The following NIPSNAP1 variants were observed in gnomAD, a reference collection of about 807,000 sequenced individuals.
NIPSNAP1 encodes nipsnap homolog 1.
In NIPSNAP1, 25 loss-of-function variants were observed where a neutral mutation model predicts 49.2. The observed-to-expected ratio is 0.51, with a 90% CI of 0.37 to 0.71. The LOEUF (loss-of-function observed/expected upper bound fraction) is 0.71. Ranked by LOEUF, NIPSNAP1 falls within the 30% of genes least tolerant of loss-of-function variation. NIPSNAP1 has a pLI of 0.00. For missense variants in NIPSNAP1, 294 were observed against 361.0 expected, an observed-to-expected ratio of 0.81 and a Z score of 1.50; for synonymous variants, 143 against 140.7, an observed-to-expected ratio of 1.02 and a Z score of -0.12.
chr22:29,571,024 C>T (rs1354775966), intron 1 of NIPSNAP1, among the ~76,000 whole-genome samples: 1 of 152,148 alleles, frequency 6.6e-6, no homozygotes, highest in Non-Finnish European at 1.5e-5. Flanking sequence ...TCTGTGCTTT[C>T]TGTACAAGTT....
Position 29,561,488 on chromosome 22 carries a change from T to A in NIPSNAP1, c.579+18A>T, listed in dbSNP as rs1341229521. The A allele has an allele frequency of 1.2e-6, 2 of 1,613,150 alleles. No homozygotes were observed. Among genetic ancestry groups the A allele is most frequent in the Admixed American group, 1.7e-5 (1 of 59,928 alleles). On this transcript the variant is annotated intron_variant, in intron 6 of 9. Coordinates refer to ENST00000216121, the MANE Select transcript of NIPSNAP1 (RefSeq NM_003634.4). The stretch of plus-strand genomic sequence containing the variant: ...AGGGAAATTGGGGGGCAGGAGGGGG[T>A]CTGTCGGAGGGAGGCACCTTGAGCT...
chr22:29,556,448 C>T (rs469565), intron 9 of NIPSNAP1, among the ~76,000 whole-genome samples: 120,234 of 151,638 alleles, frequency 0.79, 48,068 homozygotes, highest in African/African-American at 0.87. Flanking sequence ...CGCTTGAACC[C>T]GGGAGTCAGA....
chr22:29,571,143 T>C (rs1397780337), intron 1 of NIPSNAP1, among the ~76,000 whole-genome samples: 2 of 152,034 alleles, frequency 1.3e-5, no homozygotes, highest in Non-Finnish European at 2.9e-5. Context: ...CAAATACAAA[T>C]AAGCTTTGTC....
chr22:29,564,173 G>C, intron 4 of NIPSNAP1: 1 of 368,650 alleles, frequency 2.7e-6, no homozygotes, highest in Non-Finnish European at 5.4e-6. Flanking sequence ...AGGGCAGCTG[G>C]CTGCCAGCAG....
intron 1 of NIPSNAP1, chr22:29,579,950 C>T: frequency 3.3e-6 from 2 of 599,200 alleles, no homozygotes; most frequent in South Asian, 3.3e-5. Flanking sequence ...ACTCCTCTTT[C>T]CCAGCTGTCC....
intron 7 of NIPSNAP1, 84 bp downstream of exon 7, chr22:29,561,087 G>T: frequency 1.5e-6 from 2 of 1,317,198 alleles, no homozygotes. Flanking sequence ...TATGGCCCTG[G>T]AAAAGGTGGC....
chr22:29,569,085 C>T, intron 4 of NIPSNAP1, 108 bp downstream of exon 4: 2 of 835,468 alleles, frequency 2.4e-6, no homozygotes, highest in South Asian at 1.4e-5. Flanking sequence ...TTAGTAAGAG[C>T]CCCACCAGGT....
chr22:29,577,639 C>T (rs2064463443), intron 1 of NIPSNAP1, among the ~76,000 whole-genome samples: 1 of 151,190 alleles, frequency 6.6e-6, no homozygotes, highest in Admixed American at 6.6e-5. Context: ...AGGTCGAACT[C>T]CTGACCTCAG....
chr22:29,577,603 A>G (rs1015937929), intron 1 of NIPSNAP1, among the ~76,000 whole-genome samples: 3 of 151,164 alleles, frequency 2.0e-5, no homozygotes, highest in Admixed American at 6.6e-5. Flanking sequence ...TATTTTTAGT[A>G]GAGACAGGGT....
chr22:29,579,289 CTTTTTTTTTTTTTT>C (rs34084606), intron 1 of NIPSNAP1, among the ~76,000 whole-genome samples: 48 of 57,378 alleles, frequency 8.4e-4, no homozygotes, highest in Admixed American at 3.2e-3. Context: ...AATTTTTGTA[CTTTTTTTTTTTTTT>C]TTTTTTTTTT....
At chr22:29,561,922 T>C (rs469295) in intron 4 of NIPSNAP1, 60 bp from the exon 5 acceptor site, 1,184,961 of 1,544,154 alleles carry the variant, frequency 0.77, 458,566 homozygotes, top group African/African-American at 0.88. Flanking sequence ...GATGACCTCC[T>C]CAAGGTTGGC....
At chr22:29,557,277 C>A (rs1355844536) in intron 9 of NIPSNAP1, among the ~76,000 whole-genome samples, 2 of 151,890 alleles carry the variant, frequency 1.3e-5, no homozygotes, top group Non-Finnish European at 2.9e-5. Context: ...AGTTACCATG[C>A]CTGGCTAATT....
Position 29,581,050 on chromosome 22 carries a change from C to G in NIPSNAP1, c.33G>C (p.Thr11=), listed in dbSNP as rs1453479378. Residue 11 remains threonine (T), a synonymous_variant, in exon 1 of 10, where the codon ACG becomes ACC. Coordinates refer to ENST00000216121, the MANE Select transcript of NIPSNAP1 (RefSeq NM_003634.4). ...CCGGGCCCCCCAGCAGCCGCCGCGC[C>G]GTCACAGAGATGCTGCACAGCCGCG... MAPRLCSISV[T]ARRLLGGPGP... 2.6e-6 allele frequency: 4 copies of G among 1,540,138 alleles called. No individual in the cohort carries two copies. The highest frequency in any genetic ancestry group is 3.5e-6 in the Non-Finnish European group (4 of 1,145,588).
chr22:29,577,172 T>A (rs1482122617), intron 1 of NIPSNAP1, among the ~76,000 whole-genome samples: 1 of 151,090 alleles, frequency 6.6e-6, no homozygotes, highest in Non-Finnish European at 1.5e-5. Context: ...CACTGCATCC[T>A]CTATCTCCCA....
At chr22:29,559,867 C>T (rs2064321394) in intron 8 of NIPSNAP1, among the ~76,000 whole-genome samples, 1 of 152,224 alleles carries the variant, frequency 6.6e-6, no homozygotes, top group African/African-American at 2.4e-5. Context: ...CTTAACAAAG[C>T]AGACAGCAGC....
At chr22:29,571,232 G>A (rs565983780) in intron 1 of NIPSNAP1, among the ~76,000 whole-genome samples, 34 of 152,234 alleles carry the variant, frequency 2.2e-4, no homozygotes, top group African/African-American at 7.9e-4. Context: ...GAGCCCAGGT[G>A]AACTAGCCTT....
Position 29,555,654 on chromosome 22 carries a change from G to A in NIPSNAP1, c.*281C>T, listed in dbSNP as rs1255562360. On this transcript the variant is annotated 3_prime_UTR_variant, in exon 10 of 10. Transcript: ENST00000216121. Reference sequence around the variant, plus strand: ...GGTGGCCTTGAGATGAGGAATTTTAGAAGATAAATGAAGGCCTAAAAGATC... The same window carrying A: ...GGTGGCCTTGAGATGAGGAATTTTAAAAGATAAATGAAGGCCTAAAAGATC... The A allele has an allele frequency of 2.3e-6, 1 of 435,724 alleles. No individual in the cohort carries two copies. Among genetic ancestry groups the A allele is most frequent in the Non-Finnish European group, 4.3e-6 (1 of 233,242 alleles). 27.0% of individuals were successfully genotyped at this position (435,724 alleles called of 1,614,324 possible). A position where few individuals can be genotyped will look rare whatever the true frequency, so the allele number is the denominator to read the frequency against.
chr22:29,561,075 G>C (rs1400589569), intron 7 of NIPSNAP1, 96 bp downstream of exon 7: 2 of 1,187,588 alleles, frequency 1.7e-6, no homozygotes, highest in Non-Finnish European at 2.5e-6. Flanking sequence ...AGTTCCCTGT[G>C]ATATGGCCCT....
chr22:29,578,580 G>C (rs1407750589), intron 1 of NIPSNAP1, among the ~76,000 whole-genome samples: 1 of 151,306 alleles, frequency 6.6e-6, no homozygotes, highest in East Asian at 1.9e-4. Flanking sequence ...AGTGACTCTG[G>C]AGAGATATGG....
Sources: allele counts gnomAD v4.1 joint callset (sites outside exome capture counted in the v4.1 genomes callset), GRCh38; gene constraint gnomAD v4.1.1; transcripts MANE v1.5; gene names NCBI Gene and HGNC (gene_info 2026-07-23, HGNC 2026-07-21).